Variants in RBFOX1 observed in about 807,000 individuals in gnomAD.
RBFOX1 encodes RNA binding fox-1 homolog 1.
Under a neutral mutation model 57.7 loss-of-function variants are expected in RBFOX1, and 8 were observed. The ratio of observed to expected loss-of-function variants is 0.14; its 90% CI spans 0.08 to 0.25. The LOEUF (loss-of-function observed/expected upper bound fraction) is 0.25. Among genes scored for constraint, RBFOX1 ranks in the 10% least tolerant of loss-of-function variants. RBFOX1 has a pLI of 1.00. For synonymous variants in RBFOX1, 326 were observed against 222.4 expected, an observed-to-expected ratio of 1.47 and a Z score of -4.15; for missense variants, 611 against 548.5, an observed-to-expected ratio of 1.11 and a Z score of -1.14.
At chr16:6,583,133 CAGAA>C (rs2097560860) in intron 2 of RBFOX1, among the ~76,000 whole-genome samples, 1 of 152,160 alleles carries the variant, frequency 6.6e-6, no homozygotes, top group African/African-American at 2.4e-5. Context: ...ATTCTCCACT[CAGAA>C]AGCCAGCTGG....
intron 1 of RBFOX1, among the ~76,000 whole-genome samples, chr16:6,039,326 C>G (rs1375366578): frequency 7.4e-6 from 1 of 135,432 alleles, no homozygotes. Flanking sequence ...TGAGGATAAG[C>G]TGTTAGTTTT....
intron 5 of RBFOX1, among the ~76,000 whole-genome samples, chr16:7,556,886 G>A (rs1219856504): frequency 6.6e-6 from 1 of 152,130 alleles, no homozygotes; most frequent in Non-Finnish European, 1.5e-5. Context: ...AACCGACTTA[G>A]TTTAAAATTA....
intron 3 of RBFOX1, among the ~76,000 whole-genome samples, chr16:5,761,047 G>C (rs2053574002): frequency 6.6e-6 from 1 of 152,232 alleles, no homozygotes; most frequent in East Asian, 1.9e-4. Flanking sequence ...GTGGCCAGTA[G>C]AAGGTTCTGG....
chr16:5,846,464 T>C (rs956519382), intron 3 of RBFOX1, among the ~76,000 whole-genome samples: 1 of 152,192 alleles, frequency 6.6e-6, no homozygotes. Flanking sequence ...TCACTGAGTG[T>C]GCCAACCATC....
chr16:5,969,298 C>CTTTTTTTTTTTTTTTTTTTTTTT (rs71142659), intron 4 of RBFOX1, among the ~76,000 whole-genome samples: 1 of 83,750 alleles, frequency 1.2e-5, no homozygotes, highest in Non-Finnish European at 2.1e-5. Context: ...TTCGGTTGTT[C>CTTTTTTTTTTTTTTTTTTTTTTT]TTTTTTTTTT....
At chr16:6,719,424 T>G (rs1457094581) in intron 3 of RBFOX1, among the ~76,000 whole-genome samples, 1 of 150,190 alleles carries the variant, frequency 6.7e-6, no homozygotes, top group African/African-American at 2.5e-5. Flanking sequence ...AAGCATAGTT[T>G]CCTCATCTTC....
At chr16:6,984,965 T>C (rs1397586607) in intron 3 of RBFOX1, among the ~76,000 whole-genome samples, 1 of 152,086 alleles carries the variant, frequency 6.6e-6, no homozygotes, top group East Asian at 1.9e-4. Context: ...AAATCTACTG[T>C]AAGGAAAGTG....
At chr16:6,099,131 G>A (rs185786708) in intron 1 of RBFOX1, among the ~76,000 whole-genome samples, 16 of 152,272 alleles carry the variant, frequency 1.1e-4, no homozygotes, top group Middle Eastern at 3.4e-3. Context: ...GGTCGAACCC[G>A]ATTTGCTTTC....
At chr16:5,454,883 TTTCTTTCTTTCTTTCTTTC>T (rs966866134) in intron 1 of RBFOX1, among the ~76,000 whole-genome samples, 3 of 128,084 alleles carry the variant, frequency 2.3e-5, no homozygotes, top group Admixed American at 8.0e-5. Context: ...TCTTTCTTTC[TTTCTTTCTTTCTTTCTTTC>T]TTTCTTTCTT....
At chr16:7,582,543 T>A (rs2093853452) in intron 6 of RBFOX1, among the ~76,000 whole-genome samples, 1 of 152,112 alleles carries the variant, frequency 6.6e-6, no homozygotes, top group Admixed American at 6.5e-5. Context: ...ATAGGATACA[T>A]TTAGTGGCAG....
intron 2 of RBFOX1, among the ~76,000 whole-genome samples, chr16:6,621,529 C>G (rs764244113): frequency 6.3e-4 from 96 of 152,292 alleles, no homozygotes; most frequent in Admixed American, 1.4e-3. Context: ...TACCCTAAAT[C>G]AAAAATCTCA....
At chr16:5,856,054 A>G (rs1051117661) in intron 3 of RBFOX1, among the ~76,000 whole-genome samples, 1 of 130,150 alleles carries the variant, frequency 7.7e-6, no homozygotes, top group African/African-American at 2.9e-5. Flanking sequence ...TTCTTTGTGT[A>G]TAGAAATGTA....
At chr16:7,582,573 C>T (rs1186942276) in intron 6 of RBFOX1, among the ~76,000 whole-genome samples, 1 of 152,164 alleles carries the variant, frequency 6.6e-6, no homozygotes, top group Non-Finnish European at 1.5e-5. Flanking sequence ...TGTGAAGCAT[C>T]TGTAAACATT....
At chr16:5,638,920 C>T (rs1033475482) in intron 3 of RBFOX1, among the ~76,000 whole-genome samples, 1 of 152,190 alleles carries the variant, frequency 6.6e-6, no homozygotes, top group African/African-American at 2.4e-5. Flanking sequence ...TGAAACCCAA[C>T]TCAAATGTCC....
At chr16:7,640,351 C>A (rs895444915) in intron 11 of RBFOX1, among the ~76,000 whole-genome samples, 7 of 152,192 alleles carry the variant, frequency 4.6e-5, no homozygotes, top group African/African-American at 1.4e-4. Context: ...TCATTGCTTT[C>A]GTTATTAATC....
chr16:6,032,820 T>C (rs1455390823), intron 1 of RBFOX1, among the ~76,000 whole-genome samples: 2 of 152,022 alleles, frequency 1.3e-5, no homozygotes, highest in South Asian at 4.1e-4. Context: ...CTCTAAATTA[T>C]CTGTGTAATA....
chr16:6,906,392 C>T (rs1276798748), intron 3 of RBFOX1, among the ~76,000 whole-genome samples: 3 of 152,006 alleles, frequency 2.0e-5, no homozygotes, highest in Admixed American at 6.6e-5. Flanking sequence ...ATAAAAAATA[C>T]AGGATAAACA....
chr16:6,490,085 G>T (rs1325269116), intron 2 of RBFOX1, among the ~76,000 whole-genome samples: 1 of 152,292 alleles, frequency 6.6e-6, no homozygotes. Flanking sequence ...CTCAGCTAAT[G>T]CCAGGCTGTT....
At chr16:7,207,988 G>C (rs899542816) in intron 4 of RBFOX1, among the ~76,000 whole-genome samples, 1 of 152,130 alleles carries the variant, frequency 6.6e-6, no homozygotes, top group African/African-American at 2.4e-5. Context: ...CCTGTAAGTG[G>C]GGTTTCTTTT....
Sources: allele counts gnomAD v4.1 joint callset (sites outside exome capture counted in the v4.1 genomes callset), GRCh38; gene constraint gnomAD v4.1.1; transcripts MANE v1.5; gene names NCBI Gene and HGNC (gene_info 2026-07-23, HGNC 2026-07-21).